CTTNBP2: variants seen among roughly 807,000 people sequenced by gnomAD.
CTTNBP2 encodes cortactin-binding protein 2.
In CTTNBP2, 108 loss-of-function variants were observed where a neutral mutation model predicts 156.9. The ratio of observed to expected loss-of-function variants is 0.69; its 90% CI spans 0.59 to 0.81. The LOEUF is 0.81. CTTNBP2 is among the 30% of genes least tolerant of loss of function. The pLI is 0.00. For synonymous variants in CTTNBP2, 767 were observed against 751.8 expected (o/e 1.02, Z -0.33); for missense variants, 1,924 against 2,035.4 (o/e 0.95, Z 1.05).
intron 8 of CTTNBP2, among the ~76,000 whole-genome samples, chr7:117,768,771 G>T (rs1797652492): frequency 6.6e-6 from 1 of 151,986 alleles, no homozygotes; most frequent in Non-Finnish European, 1.5e-5. Context: ...GATTGGTTTG[G>T]TCTATTTGTG....
chr7:117,723,843 C>T (rs1402851611), intron 19 of CTTNBP2, among the ~76,000 whole-genome samples: 6 of 146,876 alleles, frequency 4.1e-5, no homozygotes, highest in South Asian at 2.2e-4. Context: ...ACCTCTGTGT[C>T]GCAGGTTCAA....
At chr7:117,866,357 G>A (rs1164895512) in intron 1 of CTTNBP2, among the ~76,000 whole-genome samples, 2 of 152,174 alleles carry the variant, frequency 1.3e-5, no homozygotes, top group African/African-American at 2.4e-5. Context: ...GCCTTCAGGA[G>A]ACATTATGAG....
At chr7:117,805,671 T>C (rs188421234) in intron 3 of CTTNBP2, among the ~76,000 whole-genome samples, 6 of 152,304 alleles carry the variant, frequency 3.9e-5, no homozygotes, top group Admixed American at 2.0e-4. Context: ...TCAAGAGTCG[T>C]TGGCTCTTTC....
At chr7:117,806,763 T>A (rs1355436266) in intron 3 of CTTNBP2, among the ~76,000 whole-genome samples, 2 of 149,062 alleles carry the variant, frequency 1.3e-5, no homozygotes, top group South Asian at 2.1e-4. Flanking sequence ...TTTTTTTTTT[T>A]TTTTTTTTAT....
At chr7:117,768,725 C>T (rs997948413) in intron 8 of CTTNBP2, among the ~76,000 whole-genome samples, 2 of 152,138 alleles carry the variant, frequency 1.3e-5, no homozygotes, top group African/African-American at 2.4e-5. Flanking sequence ...CTCCATCCCC[C>T]GCAGAGGCAA....
At chr7:117,734,517 T>G (rs1451862283) in intron 16 of CTTNBP2, among the ~76,000 whole-genome samples, 1 of 152,230 alleles carries the variant, frequency 6.6e-6, no homozygotes, top group African/African-American at 2.4e-5. Context: ...TTCTACTTTT[T>G]CATGTGGCTT....
intron 8 of CTTNBP2, among the ~76,000 whole-genome samples, chr7:117,770,151 T>C (rs556682567): frequency 6.6e-6 from 1 of 152,350 alleles, no homozygotes; most frequent in African/African-American, 2.4e-5. Context: ...ATAACAAATG[T>C]CACTAATCTC....
rs184184783 is a variant in CTTNBP2 at position 117,831,900 on chromosome 7, T to G, written c.190-20911A>C. The stretch of plus-strand genomic sequence containing the variant: ...TTTCTTTGCCCCTCTCTAAGGTTAT[T>G]AATTCTATCTGTGCTGCCTTCTCCA... On this transcript the variant is annotated intron_variant, in intron 2 of 22. Coordinates refer to ENST00000160373, the MANE Select transcript of CTTNBP2 (RefSeq NM_033427.3). Among the ~76,000 whole-genome samples the G allele has an allele frequency of 7.9e-4, 121 of 152,280 alleles. 1 individual carries two copies. Among genetic ancestry groups the G allele is most frequent in the African/African-American group, 2.7e-3 (114 of 41,558 alleles).
At chr7:117,727,502 T>C (rs1795156846) in intron 17 of CTTNBP2, among the ~76,000 whole-genome samples, 1 of 152,196 alleles carries the variant, frequency 6.6e-6, no homozygotes, top group Non-Finnish European at 1.5e-5. Flanking sequence ...TAAGAAGATA[T>C]TATTTCTATC....
rs750789291 is a variant in CTTNBP2 at position 117,734,966 on chromosome 7, C to T, written c.3823G>A (p.Glu1275Lys). The change falls in exon 16 of 23, where the codon GAG becomes AAG. Residue 1275 changes from glutamate (E) to lysine (K), a missense_variant. Coordinates refer to ENST00000160373, the MANE Select transcript of CTTNBP2 (RefSeq NM_033427.3). Reference protein sequence around the residue: ...FRWVQLRWDGEPMQGLLQRFL... With the variant: ...FRWVQLRWDGKPMQGLLQRFL... ...CTCTGCAGCAGTCCTTGCATGGGCT[C>T]GCCATCCCACCGCAGCTGCACCCAG... 7.4e-6 allele frequency: 12 copies of T among 1,613,334 alleles called. No homozygotes were observed. Among genetic ancestry groups the T allele is most frequent in the Non-Finnish European group, 8.5e-6 (10 of 1,179,468 alleles).
intron 16 of CTTNBP2, among the ~76,000 whole-genome samples, chr7:117,731,573 C>T (rs552730456): frequency 2.4e-4 from 37 of 152,334 alleles, no homozygotes; most frequent in Non-Finnish European, 1.5e-5. Flanking sequence ...TGTTCTGATG[C>T]ACTTATCACA....
In CTTNBP2 at chr7:117,792,969, G is replaced by A. The variant is rs974797860; in HGVS notation, c.415-188C>T. Among the ~76,000 whole-genome samples the A allele has an allele frequency of 6.6e-6, 1 of 152,114 alleles. No individual in the cohort carries two copies. Among genetic ancestry groups the A allele is most frequent in the African/African-American group, 2.4e-5 (1 of 41,418 alleles). On this transcript the variant is annotated intron_variant, in intron 3 of 22. Coordinates refer to ENST00000160373, the MANE Select transcript of CTTNBP2 (RefSeq NM_033427.3). This position sits in a 1 kb window ranked among gnomAD's most constrained non-coding sequence, Gnocchi z 4.2. Reference sequence around the variant, plus strand: ...GACACATTAAAATGAGAAAATAGACGTAAATGGCTTTATAAAGACATCTAA... The same window carrying A: ...GACACATTAAAATGAGAAAATAGACATAAATGGCTTTATAAAGACATCTAA...
chr7:117,867,104 T>C (rs947912826), intron 1 of CTTNBP2, among the ~76,000 whole-genome samples: 1 of 152,222 alleles, frequency 6.6e-6, no homozygotes, highest in Admixed American at 6.5e-5. Flanking sequence ...GTAAGGGTTT[T>C]CATGAAGAAA....
Position 117,724,537 on chromosome 7 carries a change from C to T in CTTNBP2, c.4447+10G>A, listed in dbSNP as rs200672142. 262 of 1,604,416 alleles carry T rather than the reference C, an allele frequency of 1.6e-4. 4 individuals carry two copies. The African/African-American group carries it at 2.9e-3, about 18-fold the overall frequency. On this transcript the variant is annotated intron_variant, in intron 19 of 22. Coordinates refer to ENST00000160373, the MANE Select transcript of CTTNBP2 (RefSeq NM_033427.3). Reference sequence around the variant, plus strand: ...TCCTGGTAGGCAACATGCCTACCCCCGCCCTTTACCTTCAGTGCTTAGGTC... The same window carrying T: ...TCCTGGTAGGCAACATGCCTACCCCTGCCCTTTACCTTCAGTGCTTAGGTC...
intron 9 of CTTNBP2, among the ~76,000 whole-genome samples, chr7:117,763,266 T>G (rs1166088832): frequency 1.3e-5 from 2 of 152,212 alleles, no homozygotes; most frequent in African/African-American, 2.4e-5. Context: ...AATAAGCATA[T>G]GTTCAATGAA....
Position 117,724,639 on chromosome 7 carries a change from C to T in CTTNBP2, c.4355G>A (p.Ser1452Asn), listed in dbSNP as rs1359038032. 2.5e-6 allele frequency: 4 copies of T among 1,614,138 alleles called. No individual in the cohort carries two copies. The South Asian group carries it at 3.3e-5, about 13-fold the overall frequency. The change falls in exon 19 of 23, where the codon AGT becomes AAT. Residue 1452 changes from serine to asparagine, a missense_variant. Coordinates refer to ENST00000160373, the MANE Select transcript of CTTNBP2 (RefSeq NM_033427.3). ...YNTCNKKKGE[S>N]GAWRKVNTSP... ...GGTGTTCACCTTTCTCCAGGCACCA[C>T]TCTCTCCTTTCTTCTTGTTACAAGT...
intron 6 of CTTNBP2, 120 bp downstream of exon 6, chr7:117,782,742 A>G (rs766063660): frequency 1.6e-6 from 1 of 636,868 alleles, no homozygotes; most frequent in Non-Finnish European, 2.7e-6. Flanking sequence ...TATTTAGTGA[A>G]TTTATTTGCC....
chr7:117,808,708 G>C (rs549216709), intron 3 of CTTNBP2, among the ~76,000 whole-genome samples: 1 of 152,138 alleles, frequency 6.6e-6, no homozygotes, highest in African/African-American at 2.4e-5. Context: ...TAAAATAATG[G>C]ATTTTTTTTC....
At chr7:117,784,085 A>T (rs984309742) in intron 5 of CTTNBP2, among the ~76,000 whole-genome samples, 166 bp downstream of exon 5, 1 of 152,218 alleles carries the variant, frequency 6.6e-6, no homozygotes, top group Non-Finnish European at 1.5e-5. Flanking sequence ...TGGATTTTTT[A>T]AATGTTTATA....
Sources: allele counts gnomAD v4.1 joint callset (sites outside exome capture counted in the v4.1 genomes callset), GRCh38; gene constraint gnomAD v4.1.1; non-coding constraint Gnocchi (gnomAD v3.1); transcripts MANE v1.5; gene names NCBI Gene and HGNC (gene_info 2026-07-23, HGNC 2026-07-21).